DDX27: variants seen among roughly 807,000 people sequenced by gnomAD.
DDX27 encodes the protein DEAD-box helicase 27, also known as probable ATP-dependent RNA helicase DDX27.
Under a neutral mutation model 99.3 loss-of-function variants are expected in DDX27, and 42 were observed. That is an observed-to-expected ratio of 0.42 (90% CI 0.33 to 0.55). DDX27 has a LOEUF of 0.55. DDX27 is among the 20% of genes least tolerant of loss of function. The probability of loss-of-function intolerance (pLI) is 0.07; values close to 1 mark genes in which losing one functional copy is unlikely to be tolerated. For missense variants in DDX27, 798 were observed against 976.8 expected (o/e 0.82, Z 2.44); for synonymous variants, 329 against 353.8 (o/e 0.93, Z 0.79).
chr20:49,223,121 G>C, intron 3 of DDX27, 105 bp downstream of exon 3: 2 of 1,356,996 alleles, frequency 1.5e-6, no homozygotes. Context: ...CATGGCTGGG[G>C]CAGGCGCACT....
chr20:49,226,477 G>A lies in DDX27; in HGVS notation c.648G>A (p.Ala216=), dbSNP rs760811808. Residue 216 remains alanine (A), a synonymous_variant, in exon 7 of 21, where the codon GCG becomes GCA. Coordinates refer to ENST00000618172, the MANE Select transcript of DDX27 (RefSeq NM_017895.8). The part of the protein sequence containing the change: ...GFKQPTPIQK[A]CIPVGLLGKD... ...AGCAGCCCACCCCGATCCAGAAGGCGTGCATACCTGTGGGTCTATTGGGGA... is the reference window on the plus strand; with the variant it reads ...AGCAGCCCACCCCGATCCAGAAGGCATGCATACCTGTGGGTCTATTGGGGA... 11 of 1,614,076 alleles carry A rather than the reference G, an allele frequency of 6.8e-6. 1 individual carries two copies. Among genetic ancestry groups the A allele is most frequent in the South Asian group, 6.6e-5 (6 of 91,070 alleles).
At chr20:49,233,537 A>T in intron 10 of DDX27, 31 bp from the exon 11 acceptor site, 1 of 1,607,662 alleles carries the variant, frequency 6.2e-7, no homozygotes, top group South Asian at 1.1e-5. Flanking sequence ...CCTTGCAGAG[A>T]GCTGAGGAAA....
chr20:49,223,283 T>C lies in DDX27; in HGVS notation c.316T>C (p.Ser106Pro). ...TTTTTCCCAGGATAAAGAAGCCAAG[T>C]CTGGGAAGTTGGAAAAGGAGAAAGA... ...KRKTEDKEAK[S>P]GKLEKEKEAK... The change falls in exon 4 of 21, where the codon TCT becomes CCT. Residue 106 changes from serine (S) to proline (P), a missense_variant. Coordinates refer to ENST00000618172, the MANE Select transcript of DDX27 (RefSeq NM_017895.8). 1 of 1,610,206 alleles carries C rather than the reference T, an allele frequency of 6.2e-7. No homozygotes were observed. Among genetic ancestry groups the C allele is most frequent in the Admixed American group, 1.7e-5 (1 of 58,700 alleles).
chr20:49,223,369 C>T lies in DDX27; in HGVS notation c.402C>T (p.Gly134=), dbSNP rs764525319. ...QEDLQENDEE[G]SEDEASETDY... Reference sequence around the variant, plus strand: ...ACCTTCAAGAGAATGATGAGGAAGGCTCAGAAGATGAAGCCTCGGAGACTG... The same window carrying T: ...ACCTTCAAGAGAATGATGAGGAAGGTTCAGAAGATGAAGCCTCGGAGACTG... The change falls in exon 4 of 21, where the codon GGC becomes GGT. Residue 134 remains glycine, a synonymous_variant. Transcript: ENST00000618172. 1 of 1,614,004 alleles carries T rather than the reference C, an allele frequency of 6.2e-7. No individual in the cohort carries two copies. Among genetic ancestry groups the T allele is most frequent in the Non-Finnish European group, 8.5e-7 (1 of 1,179,990 alleles).
chr20:49,231,831 G>A (rs770650657), intron 9 of DDX27, among the ~76,000 whole-genome samples: 1 of 151,862 alleles, frequency 6.6e-6, no homozygotes, highest in Non-Finnish European at 1.5e-5. Context: ...TCCAGTTACT[G>A]AGAAATAATT....
chr20:49,230,189 C>G lies in DDX27; in HGVS notation c.881-10C>G. ...CCTGGCCGCCTGGTGGGGCTCTCTT[C>G]TCTTTGCAGGCGGCTTGGATGTGAA... On this transcript the variant is annotated splice_polypyrimidine_tract_variant and intron_variant, in intron 8 of 20. Coordinates refer to ENST00000618172, the MANE Select transcript of DDX27 (RefSeq NM_017895.8). 6.2e-7 allele frequency: 1 copy of G among 1,607,878 alleles called. No individual in the cohort carries two copies. Among genetic ancestry groups the G allele is most frequent in the East Asian group, 2.2e-5 (1 of 44,860 alleles).
At chr20:49,233,001 C>G (rs1455090167) in intron 9 of DDX27, among the ~76,000 whole-genome samples, 1 of 151,104 alleles carries the variant, frequency 6.6e-6, no homozygotes, top group East Asian at 1.9e-4. Flanking sequence ...TTTAGATATT[C>G]ACGCACTTGA....
At chr20:49,226,857 C>CTTGTT (rs1979908623) in intron 7 of DDX27, among the ~76,000 whole-genome samples, 1 of 63,460 alleles carries the variant, frequency 1.6e-5, no homozygotes, top group East Asian at 4.8e-4. Flanking sequence ...GAGTAAAGGA[C>CTTGTT]TTTTTTTTTT....
At chr20:49,221,332 C>A (rs368445669) in intron 1 of DDX27, 120 bp from the exon 2 acceptor site, 1 of 1,106,062 alleles carries the variant, frequency 9.0e-7, no homozygotes, top group East Asian at 2.5e-5. Flanking sequence ...ACCTTGTCTG[C>A]GTGCCTTCGC....
intron 12 of DDX27, 55 bp downstream of exon 12, chr20:49,235,143 T>G: frequency 6.6e-7 from 1 of 1,525,354 alleles, no homozygotes; most frequent in Non-Finnish European, 8.8e-7. Context: ...GCAGAGAGGA[T>G]AGAAGGAAGA....
intron 16 of DDX27, among the ~76,000 whole-genome samples, chr20:49,240,205 T>C (rs1424333865): frequency 6.6e-6 from 1 of 152,204 alleles, no homozygotes; most frequent in Non-Finnish European, 1.5e-5. Context: ...CTGAATTGTA[T>C]ACTTAAGATT....
In DDX27 at chr20:49,234,263, CT is replaced by C. The variant is rs769181021; in HGVS notation, c.1273+568del. 309 of 145,842 alleles carry C rather than the reference CT, an allele frequency of 2.1e-3. 1 individual carries two copies. The highest frequency in any genetic ancestry group is 2.0e-3 in the East Asian group (10 of 5,036). 9.0% of individuals were successfully genotyped at this position (145,842 alleles called of 1,614,324 possible). A position where few individuals can be genotyped will look rare whatever the true frequency, so the allele number is the denominator to read the frequency against. Reference sequence around the variant, plus strand: ...CTCCAGCCACATTCGCCTGCTTGCACTTTTTTTTTTTTTTCTTTGAGGCAGA... The same window carrying C: ...CTCCAGCCACATTCGCCTGCTTGCACTTTTTTTTTTTTTCTTTGAGGCAGA... On this transcript the variant is annotated intron_variant, in intron 11 of 20. Transcript: ENST00000618172.
chr20:49,241,741 C>A, intron 16 of DDX27, 152 bp from the exon 17 acceptor site: 1 of 799,520 alleles, frequency 1.3e-6, no homozygotes, highest in Non-Finnish European at 2.0e-6. Flanking sequence ...AGTGCTGAGA[C>A]TACAGGCACG....
rs1229241743 is a variant in DDX27 at position 49,244,066 on chromosome 20, AAG to A, written c.*236_*237del. Reference sequence around the variant, plus strand: ...TATTAAATGGAAGTATTTTTGGGAAAAGAGAAACCAATCCAAGTGTATATCTT... The same window carrying A: ...TATTAAATGGAAGTATTTTTGGGAAAAGAAACCAATCCAAGTGTATATCTT... On this transcript the variant is annotated 3_prime_UTR_variant, in exon 21 of 21. Transcript: ENST00000618172. 5.0e-6 allele frequency: 3 copies of A among 594,162 alleles called. No individual in the cohort carries two copies. The highest frequency in any genetic ancestry group is 8.9e-6 in the Non-Finnish European group (3 of 337,144). 36.8% of individuals were successfully genotyped at this position (594,162 alleles called of 1,614,324 possible).
intron 16 of DDX27, among the ~76,000 whole-genome samples, chr20:49,240,589 G>A (rs569732000): frequency 3.3e-5 from 5 of 152,082 alleles, no homozygotes; most frequent in Non-Finnish European, 7.4e-5. Context: ...CACCGCACCT[G>A]GGTAATTTTT....
At chr20:49,220,970 AT>A (rs200199754) in intron 1 of DDX27, among the ~76,000 whole-genome samples, 2 of 150,644 alleles carry the variant, frequency 1.3e-5, no homozygotes, top group East Asian at 2.0e-4. Context: ...CATTCACTTC[AT>A]TTTTTTTTAA....
In DDX27 at chr20:49,239,297, G is replaced by A; in HGVS notation, c.1856G>A (p.Arg619Lys). The A allele has an allele frequency of 3.7e-6, 6 of 1,613,966 alleles. No individual in the cohort carries two copies. The highest frequency in any genetic ancestry group is 5.1e-6 in the Non-Finnish European group (6 of 1,179,898). Residue 619 changes from arginine to lysine, a missense_variant, in exon 16 of 21, where the codon AGG (arginine) becomes AAG (lysine). Coordinates refer to ENST00000618172, the MANE Select transcript of DDX27 (RefSeq NM_017895.8). ...GKEAVVQEPE[R>K]SWFQTKEERK... ...GAGGCAGTGGTCCAAGAGCCCGAGA[G>A]GAGCTGGTTCCAGACCAAAGAAGAG...
intron 11 of DDX27, chr20:49,234,385 T>C (rs1980234631): frequency 1.3e-5 from 2 of 152,540 alleles, no homozygotes; most frequent in Admixed American, 6.5e-5. Context: ...TGCCTCAGCC[T>C]CCCGAGTAGC....
chr20:49,229,550 G>C (rs904173673), intron 8 of DDX27, among the ~76,000 whole-genome samples: 4 of 151,864 alleles, frequency 2.6e-5, no homozygotes, highest in African/African-American at 9.7e-5. Context: ...TGCCCTCCTT[G>C]TGCTATTGGA....
Sources: allele counts gnomAD v4.1 joint callset (sites outside exome capture counted in the v4.1 genomes callset), GRCh38; gene constraint gnomAD v4.1.1; transcripts MANE v1.5; gene names NCBI Gene and HGNC (gene_info 2026-07-23, HGNC 2026-07-21).